The following CRAMP1 variants were observed in gnomAD, a reference collection of about 807,000 sequenced individuals.
CRAMP1 encodes the protein protein cramped-like.
In CRAMP1, 50 loss-of-function variants were observed where a neutral mutation model predicts 115.4. The observed-to-expected ratio is 0.43, with a 90% CI of 0.35 to 0.55. CRAMP1 has a LOEUF of 0.55. Among genes scored for constraint, CRAMP1 ranks in the 20% least tolerant of loss-of-function variants. CRAMP1 has a pLI of 0.01. For missense variants in CRAMP1, 1,679 were observed against 1,721.7 expected, an observed-to-expected ratio of 0.98 and a Z score of 0.44; for synonymous variants, 866 against 745.4, an observed-to-expected ratio of 1.16 and a Z score of -2.64.
intron 10 of CRAMP1, among the ~76,000 whole-genome samples, chr16:1,659,674 A>G (rs994126742): frequency 1.4e-4 from 21 of 152,216 alleles, no homozygotes; most frequent in African/African-American, 4.3e-4. Context: ...GGCGTGAGCC[A>G]CCGCACCTGG....
At chr16:1,661,966 T>C (rs2036834469) in intron 11 of CRAMP1, among the ~76,000 whole-genome samples, 1 of 152,236 alleles carries the variant, frequency 6.6e-6, no homozygotes, top group Non-Finnish European at 1.5e-5. Context: ...CAGCAAGCTA[T>C]AGGCCTGCAG....
chr16:1,629,206 T>C (rs991895310), intron 3 of CRAMP1, among the ~76,000 whole-genome samples: 3 of 152,230 alleles, frequency 2.0e-5, no homozygotes, highest in Non-Finnish European at 2.9e-5. Flanking sequence ...CTCTGCATAA[T>C]GGCTGCGGCC....
Position 1,670,472 on chromosome 16 carries a change from C to A in CRAMP1, c.3500-192C>A, listed in dbSNP as rs191109548. 46 of 622,818 alleles carry A rather than the reference C, an allele frequency of 7.4e-5. No individual in the cohort carries two copies. In the African/African-American group the frequency reaches 7.7e-4, roughly 10 times the overall value. 38.6% of individuals were successfully genotyped at this position (622,818 alleles called of 1,614,324 possible). A position where few individuals can be genotyped will look rare whatever the true frequency, so the allele number is the denominator to read the frequency against. On this transcript the variant is annotated intron_variant, in intron 19 of 20. Coordinates refer to ENST00000397412, the MANE Select transcript of CRAMP1 (RefSeq NM_020825.4). ...AAAACAAGGTGCATGTCTGTATGCA[C>A]GAAGGCCTGTTAAACGAGAAGAGCT...
intron 3 of CRAMP1, among the ~76,000 whole-genome samples, chr16:1,626,897 G>A (rs760510464): frequency 2.0e-5 from 3 of 152,130 alleles, no homozygotes; most frequent in Non-Finnish European, 4.4e-5. Context: ...GGCCAGGGTC[G>A]ATGTACTGTC....
chr16:1,644,286 A>G (rs1441926529), intron 6 of CRAMP1, among the ~76,000 whole-genome samples: 1 of 152,242 alleles, frequency 6.6e-6, no homozygotes, highest in African/African-American at 2.4e-5. Flanking sequence ...GCATGGTACC[A>G]GCAAGGAAAG....
At chr16:1,640,498 G>T (rs2036623067) in intron 5 of CRAMP1, among the ~76,000 whole-genome samples, 1 of 152,182 alleles carries the variant, frequency 6.6e-6, no homozygotes. Context: ...ACATGCAGAA[G>T]AATTCAAAGA....
intron 3 of CRAMP1, 122 bp from the exon 4 acceptor site, chr16:1,632,090 C>G: frequency 9.6e-7 from 1 of 1,044,206 alleles, no homozygotes; most frequent in East Asian, 2.6e-5. Flanking sequence ...CTTGGAAGGG[C>G]TGCTTGTTTG....
At chr16:1,627,829 G>A (rs547692358) in intron 3 of CRAMP1, among the ~76,000 whole-genome samples, 3 of 152,206 alleles carry the variant, frequency 2.0e-5, no homozygotes, top group Non-Finnish European at 4.4e-5. Flanking sequence ...TAAGCTGTTT[G>A]TTGGTCTTGG....
In CRAMP1 at chr16:1,649,360, T is replaced by C. The variant is rs781150029; in HGVS notation, c.828-3136T>C. Among the ~76,000 whole-genome samples the C allele has an allele frequency of 6.6e-5, 10 of 152,198 alleles. 1 individual carries two copies. The South Asian group carries it at 1.4e-3, about 22-fold the overall frequency. ...AGTGGGTGGGTAGAGGCATGGTCAA[T>C]GGATAGATAGAAGAGTAGCTGCCAT... On this transcript the variant is annotated intron_variant, in intron 6 of 20. Coordinates refer to ENST00000397412, the MANE Select transcript of CRAMP1 (RefSeq NM_020825.4).
intron 2 of CRAMP1, among the ~76,000 whole-genome samples, chr16:1,623,332 T>G (rs1280733113): frequency 6.6e-6 from 1 of 152,188 alleles, no homozygotes; most frequent in Non-Finnish European, 1.5e-5. Context: ...TCTTTTCACA[T>G]CTCCTGTGTG....
chr16:1,632,656 C>G (rs2036556450), intron 4 of CRAMP1, among the ~76,000 whole-genome samples: 1 of 152,222 alleles, frequency 6.6e-6, no homozygotes, highest in Non-Finnish European at 1.5e-5. Flanking sequence ...AGTTCTGGGT[C>G]CCTGGCTCAC....
In CRAMP1 at chr16:1,665,127, C is replaced by T. The variant is rs769922762; in HGVS notation, c.2741C>T (p.Ser914Phe). Residue 914 changes from serine (S) to phenylalanine (F), a missense_variant, in exon 14 of 21, where the codon TCT becomes TTT. Transcript: ENST00000397412. ...NVCSFSILSNSSVTGRGSFRP... is the reference protein window; with the variant it reads ...NVCSFSILSNFSVTGRGSFRP... ...TGTTCCTTCTCCATCCTGTCTAACT[C>T]TTCCGTAACTGGTAAGGACCCTGAG... The T allele has an allele frequency of 1.2e-6, 2 of 1,610,186 alleles. No homozygotes were observed. The highest frequency in any genetic ancestry group is 3.3e-5 in the Admixed American group (2 of 60,024).
intron 6 of CRAMP1, among the ~76,000 whole-genome samples, chr16:1,649,785 ATTTTT>A (rs35942594): frequency 1.5e-5 from 1 of 65,736 alleles, no homozygotes; most frequent in Non-Finnish European, 2.6e-5. Context: ...ATGAGCCACT[ATTTTT>A]TTTTTTTTTT....
intron 1 of CRAMP1, among the ~76,000 whole-genome samples, chr16:1,613,264 C>T (rs1257603717): frequency 7.0e-6 from 1 of 143,090 alleles, no homozygotes; most frequent in Admixed American, 7.1e-5. Context: ...CTAGCATGAA[C>T]TCGAGATTCC....
rs2036398160 is a variant in CRAMP1, at chr16:1,614,451, G to C, written c.-1-188G>C. 6.9e-6 allele frequency among the ~76,000 whole-genome samples: 1 copy of C among 145,898 alleles called. No individual in the cohort carries two copies. ...CGGGAGGGTCCCGGGCTGGTGGGCA[G>C]GGCCGGGGGCGGCGGCGTGGGGGCG... On this transcript the variant is annotated intron_variant, in intron 1 of 20. Coordinates refer to ENST00000397412, the MANE Select transcript of CRAMP1 (RefSeq NM_020825.4). The surrounding 1 kb of genome is among the most constrained non-coding windows in gnomAD (Gnocchi z 4.4).
At chr16:1,623,289 A>G (rs1032954870) in intron 2 of CRAMP1, among the ~76,000 whole-genome samples, 10 of 152,246 alleles carry the variant, frequency 6.6e-5, no homozygotes, top group African/African-American at 2.2e-4. Flanking sequence ...CCGCTTCACC[A>G]GCCTCATCAG....
At position 1,614,354 on chromosome 16, in the gene CRAMP1, G is replaced by A. The variant is rs1395882583; in HGVS notation, c.-1-285G>A. On this transcript the variant is annotated intron_variant, in intron 1 of 20. Coordinates refer to ENST00000397412, the MANE Select transcript of CRAMP1 (RefSeq NM_020825.4). The surrounding 1 kb of genome is among the most constrained non-coding windows in gnomAD (Gnocchi z 4.4). Reference sequence around the variant, plus strand: ...GCCGGGGCCGGGCAGGGTCCGCCGAGCTGTCGCGCCCTCCCGCCGCCGGCC... The same window carrying A: ...GCCGGGGCCGGGCAGGGTCCGCCGAACTGTCGCGCCCTCCCGCCGCCGGCC... 7.5e-6 allele frequency among the ~76,000 whole-genome samples: 1 copy of A among 132,626 alleles called. No individual in the cohort carries two copies. Among genetic ancestry groups the A allele is most frequent in the Non-Finnish European group, 1.7e-5 (1 of 60,320 alleles). 87.0% of individuals were successfully genotyped at this position (132,626 alleles called of 152,430 possible).
chr16:1,666,069 G>T lies in CRAMP1; in HGVS notation c.2753-4G>T. On this transcript the variant is annotated splice_polypyrimidine_tract_variant and splice_region_variant and intron_variant, in intron 14 of 20. Coordinates refer to ENST00000397412, the MANE Select transcript of CRAMP1 (RefSeq NM_020825.4). The surrounding 1 kb of genome is among the most constrained non-coding windows in gnomAD (Gnocchi z 5.0). Reference sequence around the variant, plus strand: ...CATGTCTGCTTTTGCCCTCGCCCTCGCAGGGAGAGGTTCGTTCCGGCCCAT... The same window carrying T: ...CATGTCTGCTTTTGCCCTCGCCCTCTCAGGGAGAGGTTCGTTCCGGCCCAT... 1 of 1,597,688 alleles carries T rather than the reference G, an allele frequency of 6.3e-7. No individual in the cohort carries two copies.
chr16:1,649,237 T>C (rs2036702393), intron 6 of CRAMP1, among the ~76,000 whole-genome samples: 1 of 152,166 alleles, frequency 6.6e-6, no homozygotes, highest in African/African-American at 2.4e-5. Flanking sequence ...CTCTGTCCTT[T>C]GGTATCCTGT....
Sources: gnomAD v4.1 joint callset for allele counts (sites outside exome capture counted in the v4.1 genomes callset) on GRCh38, gnomAD v4.1.1 for gene constraint, Gnocchi (gnomAD v3.1) non-coding constraint, MANE v1.5 for transcripts, NCBI Gene and HGNC (gene_info 2026-07-23, HGNC 2026-07-21) for gene names.